The following TTC39B variants were observed in gnomAD, a reference collection of about 807,000 sequenced individuals.
TTC39B encodes tetratricopeptide repeat protein 39B.
A neutral mutation model predicts 96.6 loss-of-function variants in TTC39B; 92 were observed. That is an observed-to-expected ratio of 0.95 (90% CI 0.80 to 1.13). TTC39B has a LOEUF of 1.13. Among genes scored for constraint, TTC39B ranks in the 50% most tolerant of loss-of-function variants. TTC39B has a pLI of 0.00. For synonymous variants in TTC39B, 367 were observed against 299.4 expected (o/e 1.23, Z -2.33); for missense variants, 955 against 809.3 (o/e 1.18, Z -2.18).
intron 2 of TTC39B, among the ~76,000 whole-genome samples, chr9:15,246,176 C>G (rs545481373): frequency 7.9e-5 from 12 of 152,134 alleles, no homozygotes; most frequent in African/African-American, 2.9e-4. Context: ...TTGCTTGAAC[C>G]TGGGAGGCAG....
exon 20 of TTC39B, chr9:15,167,018 ATATATATATATTTTTTTTT>A (rs1564299925): frequency 2.9e-4 from 2 of 6,786 alleles, no homozygotes; most frequent in Non-Finnish European, 4.6e-4. Flanking sequence ...ATATATATAT[ATATATATATATTTTTTTTT>A]TTTTTTTTTT....
At chr9:15,272,062 A>G (rs1437248501) in intron 1 of TTC39B, among the ~76,000 whole-genome samples, 2 of 152,156 alleles carry the variant, frequency 1.3e-5, no homozygotes, top group Non-Finnish European at 2.9e-5. Context: ...ATCCCTACAG[A>G]AAGACCAGTG....
At chr9:15,232,205 T>G (rs200889199) in intron 2 of TTC39B, 18 of 152,634 alleles carry the variant, frequency 1.2e-4, no homozygotes, top group Non-Finnish European at 2.3e-4. Flanking sequence ...GGCAAATGGC[T>G]CTTACCCATA....
chr9:15,252,043 G>A (rs1460255050), intron 2 of TTC39B, among the ~76,000 whole-genome samples: 1 of 151,974 alleles, frequency 6.6e-6, no homozygotes, highest in Non-Finnish European at 1.5e-5. Context: ...CATGTGCGCT[G>A]TACTACAAAA....
Position 15,200,120 on chromosome 9 carries a change from G to C in TTC39B, c.760-195C>G, listed in dbSNP as rs113362562. Among the ~76,000 whole-genome samples the C allele has an allele frequency of 1.5e-3, 224 of 152,146 alleles. 1 individual carries two copies. Among genetic ancestry groups the C allele is most frequent in the African/African-American group, 4.9e-3 (202 of 41,512 alleles). On this transcript the variant is annotated intron_variant, in intron 7 of 19. Transcript: ENST00000512701. ...TTGGGGTAATTTTTCTTCCACATTA[G>C]AGGACAACAAAAAGAAAATACTTGT...
At chr9:15,249,240 G>C (rs1008443863) in intron 2 of TTC39B, 2 of 152,120 alleles carry the variant, frequency 1.3e-5, no homozygotes, top group African/African-American at 4.8e-5. Flanking sequence ...TTAGACTCCA[G>C]GGTCTGCGTC....
In TTC39B at chr9:15,225,975, A is replaced by C. The variant is rs1328758666; in HGVS notation, c.313T>G (p.Phe105Val). ...GCCTGTTGTGTATCACATGATGCAA[A>C]GTGAAGGCTGCTTGTTGCCATATCT... Residue 105 changes from phenylalanine to valine, a missense_variant, in exon 3 of 20, where the codon TTT becomes GTT. Phe to Val is a conservative substitution (Grantham distance 50). Transcript: ENST00000512701. The C allele has an allele frequency of 2.5e-6, 4 of 1,614,046 alleles. 1 individual carries two copies. The South Asian group carries it at 4.4e-5, about 18-fold the overall frequency.
intron 1 of TTC39B, among the ~76,000 whole-genome samples, chr9:15,277,168 C>A (rs1823575515): frequency 6.6e-6 from 1 of 152,194 alleles, no homozygotes; most frequent in Non-Finnish European, 1.5e-5. Flanking sequence ...GTGGCTCATG[C>A]CTGAAATCCC....
At chr9:15,173,033 T>A (rs930421690) in intron 19 of TTC39B, among the ~76,000 whole-genome samples, 1 of 152,216 alleles carries the variant, frequency 6.6e-6, no homozygotes, top group Non-Finnish European at 1.5e-5. Flanking sequence ...TACTGGGAAG[T>A]ATCTTTATGT....
intron 2 of TTC39B, among the ~76,000 whole-genome samples, chr9:15,237,056 T>A (rs1051138948): frequency 6.6e-5 from 10 of 151,100 alleles, no homozygotes; most frequent in African/African-American, 2.4e-4. Context: ...GGCTCATGCC[T>A]GTAATCCCAG....
chr9:15,175,231 C>A lies in TTC39B; in HGVS notation c.1842-96G>T, dbSNP rs2118475564. 3.6e-6 allele frequency: 3 copies of A among 834,712 alleles called. No individual in the cohort carries two copies. In the South Asian group the frequency reaches 4.8e-5, roughly 13 times the overall value. The allele number at this position is 834,712 out of a possible 1,614,324, so 51.7% of individuals were successfully genotyped here. A position where few individuals can be genotyped will look rare whatever the true frequency, so the allele number is the denominator to read the frequency against. ...ATTCCCATTCTTCAGAAAACATGTG[C>A]AGCACTAAGTCTATTATCATAGAAA... On this transcript the variant is annotated intron_variant, in intron 18 of 19. Transcript: ENST00000512701.
intron 4 of TTC39B, among the ~76,000 whole-genome samples, chr9:15,211,884 G>A (rs1820221485): frequency 6.6e-6 from 1 of 152,206 alleles, no homozygotes; most frequent in African/African-American, 2.4e-5. Context: ...CTGGTCACAA[G>A]AGCCATGACC....
intron 1 of TTC39B, among the ~76,000 whole-genome samples, chr9:15,304,469 G>A (rs1454908018): frequency 6.6e-6 from 1 of 152,042 alleles, no homozygotes; most frequent in Non-Finnish European, 1.5e-5. Flanking sequence ...CTATGCTCCC[G>A]AATTTATCAT....
At chr9:15,195,110 G>C (rs530986596) in intron 8 of TTC39B, among the ~76,000 whole-genome samples, 1 of 152,306 alleles carries the variant, frequency 6.6e-6, no homozygotes, top group Admixed American at 6.5e-5. Context: ...CAAAAGAAAA[G>C]TTCTTGAAGA....
chr9:15,262,450 C>T (rs920218975), intron 2 of TTC39B, among the ~76,000 whole-genome samples: 1 of 152,156 alleles, frequency 6.6e-6, no homozygotes, highest in Admixed American at 6.5e-5. Context: ...CATTTTTGTA[C>T]ATCTCTAATT....
At chr9:15,242,040 G>A (rs1169651829) in intron 2 of TTC39B, among the ~76,000 whole-genome samples, 2 of 151,928 alleles carry the variant, frequency 1.3e-5, no homozygotes, top group Admixed American at 6.6e-5. Context: ...GCCACCGCAA[G>A]CAGCCTAATT....
At chr9:15,245,625 A>G (rs764321116) in intron 2 of TTC39B, among the ~76,000 whole-genome samples, 104 of 152,378 alleles carry the variant, frequency 6.8e-4, no homozygotes, top group Non-Finnish European at 1.2e-3. Flanking sequence ...ACTAACTAAG[A>G]AAACAATGAC....
intron 16 of TTC39B, among the ~76,000 whole-genome samples, chr9:15,184,000 G>A (rs1356738441): frequency 6.6e-6 from 1 of 152,126 alleles, no homozygotes; most frequent in Non-Finnish European, 1.5e-5. Context: ...GGGAGGGGCT[G>A]CATTGTTCTT....
rs530530289 is a variant in TTC39B, at chr9:15,233,600, C to T, written c.276-7588G>A. Among the ~76,000 whole-genome samples, 7 of 152,138 alleles carry T rather than the reference C, an allele frequency of 4.6e-5. No homozygotes were observed. In the East Asian group the frequency reaches 7.7e-4, roughly 17 times the overall value. On this transcript the variant is annotated intron_variant, in intron 2 of 19. Transcript: ENST00000512701. Reference sequence around the variant, plus strand: ...CTCCAGCTCCTAACCGCCAGTGATCCGCCAGCCTCGGCCTCCCGAGGTGCC... The same window carrying T: ...CTCCAGCTCCTAACCGCCAGTGATCTGCCAGCCTCGGCCTCCCGAGGTGCC...
Sources: allele counts gnomAD v4.1 joint callset (sites outside exome capture counted in the v4.1 genomes callset), GRCh38; gene constraint gnomAD v4.1.1; transcripts MANE v1.5; gene names NCBI Gene and HGNC (gene_info 2026-07-23, HGNC 2026-07-21).